Variants in CCSER1 observed in about 807,000 individuals in gnomAD.
CCSER1 encodes the protein serine-rich coiled-coil domain-containing protein 1.
A neutral mutation model predicts 82.0 loss-of-function variants in CCSER1; 41 were observed. The ratio of observed to expected loss-of-function variants is 0.50; its 90% confidence interval spans 0.39 to 0.65. The LOEUF is 0.65. CCSER1 is among the 30% of genes least tolerant of loss of function. The pLI is 0.00. For missense variants in CCSER1, 1,119 were observed against 1,064.2 expected, an observed-to-expected ratio of 1.05 and a Z score of -0.72; for synonymous variants, 414 against 383.9, an observed-to-expected ratio of 1.08 and a Z score of -0.92.
At chr4:90,816,865 G>C (rs1303911363) in intron 8 of CCSER1, among the ~76,000 whole-genome samples, 2 of 152,062 alleles carry the variant, frequency 1.3e-5, no homozygotes, top group Non-Finnish European at 2.9e-5. Context: ...ATAGTTTATA[G>C]ACTCTTCACA....
At chr4:90,527,337 T>G (rs1773907547) in intron 5 of CCSER1, among the ~76,000 whole-genome samples, 1 of 152,100 alleles carries the variant, frequency 6.6e-6, no homozygotes, top group Admixed American at 6.6e-5. Flanking sequence ...AACAAACATG[T>G]GAGAAAAAGC....
At chr4:90,250,327 C>T (rs926862501) in intron 1 of CCSER1, among the ~76,000 whole-genome samples, 1 of 152,092 alleles carries the variant, frequency 6.6e-6, no homozygotes, top group African/African-American at 2.4e-5. Flanking sequence ...GATTTACTCC[C>T]ATTTTCTTCT....
intron 10 of CCSER1, among the ~76,000 whole-genome samples, chr4:91,260,781 G>A (rs1393840211): frequency 6.6e-6 from 1 of 151,280 alleles, no homozygotes; most frequent in Admixed American, 6.6e-5. Context: ...TTTTTTTTGA[G>A]AGGGAGTCTC....
At chr4:91,534,424 C>A (rs148410838) in intron 10 of CCSER1, among the ~76,000 whole-genome samples, 1 of 152,118 alleles carries the variant, frequency 6.6e-6, no homozygotes, top group East Asian at 1.9e-4. Flanking sequence ...AAATCAAGTT[C>A]TATCAATGAG....
intron 10 of CCSER1, among the ~76,000 whole-genome samples, chr4:91,142,651 T>C (rs929396586): frequency 6.6e-6 from 1 of 152,182 alleles, no homozygotes; most frequent in Non-Finnish European, 1.5e-5. Context: ...TATGTACAAG[T>C]ATACGAGAAT....
intron 8 of CCSER1, among the ~76,000 whole-genome samples, chr4:90,857,030 C>A (rs141600162): frequency 6.6e-6 from 1 of 151,456 alleles, no homozygotes; most frequent in Non-Finnish European, 1.5e-5. Context: ...TTACTTCAAT[C>A]GCATATTAAT....
intron 10 of CCSER1, among the ~76,000 whole-genome samples, chr4:91,131,022 T>G (rs549046370): frequency 2.0e-5 from 3 of 152,006 alleles, no homozygotes; most frequent in African/African-American, 7.2e-5. Flanking sequence ...TCTGTATATG[T>G]TTGCATGTAT....
chr4:91,072,688 T>C (rs1721558957), intron 9 of CCSER1, among the ~76,000 whole-genome samples: 1 of 152,110 alleles, frequency 6.6e-6, no homozygotes, highest in Non-Finnish European at 1.5e-5. Flanking sequence ...TACTCTGGGC[T>C]CAGTATTCAA....
intron 7 of CCSER1, among the ~76,000 whole-genome samples, chr4:90,730,814 A>G (rs907812814): frequency 6.6e-6 from 1 of 152,216 alleles, no homozygotes; most frequent in Admixed American, 6.5e-5. Flanking sequence ...CGGTCTTATC[A>G]GGAATGGCAA....
intron 10 of CCSER1, among the ~76,000 whole-genome samples, chr4:91,306,441 A>G (rs909046388): frequency 4.2e-4 from 64 of 152,166 alleles, no homozygotes; most frequent in African/African-American, 1.5e-3. Flanking sequence ...TTTTGAAAGC[A>G]TAAGAAAGTA....
intron 10 of CCSER1, among the ~76,000 whole-genome samples, chr4:91,125,602 C>T (rs1391711265): frequency 6.6e-6 from 1 of 151,504 alleles, no homozygotes; most frequent in Non-Finnish European, 1.5e-5. Flanking sequence ...TTTGAAATAC[C>T]ACACACAAAA....
At chr4:90,823,508 A>G (rs770882794) in intron 8 of CCSER1, among the ~76,000 whole-genome samples, 5 of 152,148 alleles carry the variant, frequency 3.3e-5, no homozygotes, top group Non-Finnish European at 7.4e-5. Context: ...ATAGATTTCA[A>G]AATAAGCAAT....
chr4:91,301,928 C>A (rs78178359), intron 10 of CCSER1, among the ~76,000 whole-genome samples: 241 of 152,004 alleles, frequency 1.6e-3, no homozygotes, highest in Middle Eastern at 6.8e-3. Flanking sequence ...TTCAATTACT[C>A]AGTTACTCTA....
chr4:90,217,199 T>C (rs1340351418), intron 1 of CCSER1, among the ~76,000 whole-genome samples: 3 of 152,110 alleles, frequency 2.0e-5, no homozygotes, highest in Non-Finnish European at 4.4e-5. Context: ...TAGACGTTTT[T>C]TTGTTTTTTA....
chr4:91,595,841 T>C (rs1456259263), intron 10 of CCSER1, among the ~76,000 whole-genome samples: 1 of 150,642 alleles, frequency 6.6e-6, no homozygotes, highest in African/African-American at 2.4e-5. Context: ...AATAAATGAA[T>C]TCATATATAT....
At chr4:90,166,902 G>C (rs767658445) in intron 1 of CCSER1, among the ~76,000 whole-genome samples, 27 of 151,888 alleles carry the variant, frequency 1.8e-4, no homozygotes, top group Non-Finnish European at 3.5e-4. Context: ...TTCTAGAACT[G>C]AGGCTGTGTC....
intron 4 of CCSER1, among the ~76,000 whole-genome samples, chr4:90,428,742 T>C (rs984723137): frequency 4.6e-5 from 7 of 151,990 alleles, no homozygotes; most frequent in Admixed American, 2.0e-4. Flanking sequence ...CTGAAACCCC[T>C]GTTGTTCCAG....
At chr4:90,799,118 T>C (rs1047035411) in intron 7 of CCSER1, among the ~76,000 whole-genome samples, 5 of 151,972 alleles carry the variant, frequency 3.3e-5, no homozygotes, top group African/African-American at 1.2e-4. Flanking sequence ...TTGGCAACTG[T>C]GTGTATGGTC....
At chr4:91,403,122 G>A (rs754005574) in intron 10 of CCSER1, among the ~76,000 whole-genome samples, 11 of 152,138 alleles carry the variant, frequency 7.2e-5, no homozygotes, top group Admixed American at 3.9e-4. Context: ...TCTCTTATAA[G>A]TTGGATTCAT....
Sources: gnomAD v4.1 joint callset for allele counts (sites outside exome capture counted in the v4.1 genomes callset) on GRCh38, gnomAD v4.1.1 for gene constraint, MANE v1.5 for transcripts, NCBI Gene and HGNC (gene_info 2026-07-23, HGNC 2026-07-21) for gene names.